Variants in SLTM observed in about 807,000 individuals in gnomAD.
SLTM encodes the protein SAFB-like transcription modulator.
SLTM carries 43 observed loss-of-function variants against 134.6 expected under a neutral mutation model. The observed-to-expected ratio is 0.32, with a 90% CI of 0.25 to 0.41. The LOEUF is 0.41. Ranked by LOEUF, SLTM falls within the 10% of genes least tolerant of loss-of-function variation. The probability of loss-of-function intolerance (pLI) is 1.00; values close to 1 mark genes in which losing one functional copy is unlikely to be tolerated. For missense variants in SLTM, 1,055 were observed against 1,288.8 expected (o/e 0.82, Z 2.78); for synonymous variants, 424 against 432.3 (o/e 0.98, Z 0.24).
At chr15:58,906,576 T>G (rs1427309148) in intron 5 of SLTM, among the ~76,000 whole-genome samples, 6 of 152,232 alleles carry the variant, frequency 3.9e-5, no homozygotes, top group African/African-American at 1.4e-4. Flanking sequence ...TCTTATGATA[T>G]CTGTACATGT....
chr15:58,916,874 T>C (rs995093829), intron 3 of SLTM, 61 bp downstream of exon 3: 59 of 1,486,026 alleles, frequency 4.0e-5, no homozygotes, highest in Non-Finnish European at 5.1e-5. Context: ...AAGCACAAAA[T>C]TCATGATGCA....
At chr15:58,919,493 G>A (rs1301577390) in intron 2 of SLTM, among the ~76,000 whole-genome samples, 3 of 152,028 alleles carry the variant, frequency 2.0e-5, no homozygotes, top group Admixed American at 6.6e-5. Flanking sequence ...CCAGCTATTC[G>A]GGAGGCTGAG....
chr15:58,900,670 C>A (rs2035417726), intron 6 of SLTM: 1 of 152,922 alleles, frequency 6.5e-6, no homozygotes, highest in Non-Finnish European at 1.5e-5. Flanking sequence ...TGCTCCATGT[C>A]CTTTCTAGTC....
At chr15:58,927,492 A>C (rs2037561397) in intron 2 of SLTM, among the ~76,000 whole-genome samples, 1 of 152,178 alleles carries the variant, frequency 6.6e-6, no homozygotes, top group Non-Finnish European at 1.5e-5. Context: ...TCTGGTCTCA[A>C]ACTCCTGACA....
chr15:58,881,186 T>G (rs1227039798), intron 20 of SLTM, among the ~76,000 whole-genome samples: 1 of 151,578 alleles, frequency 6.6e-6, no homozygotes, highest in African/African-American at 2.4e-5. Context: ...ACAGCGAGAC[T>G]CCATCTCAAA....
chr15:58,909,645 TAGA>T (rs2036117476), intron 5 of SLTM, among the ~76,000 whole-genome samples: 1 of 152,318 alleles, frequency 6.6e-6, no homozygotes, highest in African/African-American at 2.4e-5. Flanking sequence ...TGCATCCAAA[TAGA>T]AGAATACAGT....
intron 2 of SLTM, among the ~76,000 whole-genome samples, chr15:58,926,730 T>C (rs1595947708): frequency 1.3e-5 from 2 of 151,998 alleles, no homozygotes; most frequent in Non-Finnish European, 2.9e-5. Flanking sequence ...TTCTCCTGCC[T>C]GAGCCTCCAG....
intron 2 of SLTM, among the ~76,000 whole-genome samples, chr15:58,918,333 T>A (rs2036789794): frequency 6.6e-6 from 1 of 152,174 alleles, no homozygotes; most frequent in South Asian, 2.1e-4. Context: ...ACAGTGCTAC[T>A]ACCTAGTTCA....
chr15:58,917,133 C>G lies in SLTM; in HGVS notation c.251-134G>C. The stretch of plus-strand genomic sequence containing the variant: ...AAAGCTAATGTCAACTGCTTCTAAA[C>G]CACCTGCTCAGAGCTGTCCCAAACA... On this transcript the variant is annotated intron_variant, in intron 2 of 20. Coordinates refer to ENST00000380516, the MANE Select transcript of SLTM (RefSeq NM_024755.4). 7.8e-6 allele frequency: 6 copies of G among 770,362 alleles called. No homozygotes were observed. In the South Asian group the frequency reaches 9.8e-5, roughly 13 times the overall value. 47.7% of individuals were successfully genotyped at this position (770,362 alleles called of 1,614,324 possible). A position where few individuals can be genotyped will look rare whatever the true frequency, so the allele number is the denominator to read the frequency against.
At chr15:58,906,135 A>G (rs908496392) in intron 5 of SLTM, among the ~76,000 whole-genome samples, 11 of 152,266 alleles carry the variant, frequency 7.2e-5, no homozygotes, top group African/African-American at 2.7e-4. Flanking sequence ...CAAACCAAGA[A>G]ATACAATGGG....
chr15:58,920,882 G>C (rs2036995266), intron 2 of SLTM, among the ~76,000 whole-genome samples: 1 of 152,088 alleles, frequency 6.6e-6, no homozygotes, highest in Non-Finnish European at 1.5e-5. Context: ...TTGAACCCGG[G>C]AGGTGAAGGT....
chr15:58,895,941 A>G (rs2035045752), intron 9 of SLTM, among the ~76,000 whole-genome samples: 1 of 152,222 alleles, frequency 6.6e-6, no homozygotes, highest in South Asian at 2.1e-4. Flanking sequence ...AGTAATTTCA[A>G]TATCTGAAAG....
At chr15:58,911,005 A>C (rs2036232684) in intron 5 of SLTM, among the ~76,000 whole-genome samples, 1 of 151,942 alleles carries the variant, frequency 6.6e-6, no homozygotes, top group South Asian at 2.1e-4. Context: ...CGGCCTCCCA[A>C]AGTGCTGGGA....
rs772257831 is a variant in SLTM at position 58,887,538 on chromosome 15, C to T, written c.2378G>A (p.Arg793Gln). The T allele has an allele frequency of 8.1e-6, 13 of 1,605,004 alleles. No homozygotes were observed. Among genetic ancestry groups the T allele is most frequent in the East Asian group, 2.2e-5 (1 of 44,836 alleles). The change falls in exon 18 of 21, where the codon CGG becomes CAG. Residue 793 changes from arginine (R) to glutamine (Q), a missense_variant and splice_region_variant. Transcript: ENST00000380516. ...SAVQSSSFERRDRFVGQSEGK... is the reference protein window; with the variant it reads ...SAVQSSSFERQDRFVGQSEGK... ...CTCACTTTGACCAACAAAGCGATCC[C>T]GCCTATTGATTAGAAACAAAGAATA...
chr15:58,912,790 A>T (rs2036375075), intron 4 of SLTM, 180 bp from the exon 5 acceptor site: 3 of 534,902 alleles, frequency 5.6e-6, no homozygotes, highest in Non-Finnish European at 1.0e-5. Context: ...AAAATTAGCC[A>T]TGTCGCTAGA....
At chr15:58,895,003 C>G (rs1217647417) in intron 9 of SLTM, among the ~76,000 whole-genome samples, 4 of 152,174 alleles carry the variant, frequency 2.6e-5, no homozygotes, top group Non-Finnish European at 5.9e-5. Context: ...CTGCAGCCAG[C>G]CTATTTCATA....
At chr15:58,915,191 AAAAAACAAAAACAAAAAC>A (rs140925385) in intron 3 of SLTM, among the ~76,000 whole-genome samples, 21 of 150,106 alleles carry the variant, frequency 1.4e-4, no homozygotes, top group Non-Finnish European at 1.6e-4. Context: ...ACTCCATCTC[AAAAAACAAAAACAAAAAC>A]AAAAACAAAA....
chr15:58,883,580 TAA>T (rs2033917986), intron 20 of SLTM, 44 bp downstream of exon 20: 1 of 1,608,308 alleles, frequency 6.2e-7, no homozygotes, highest in Admixed American at 1.7e-5. Context: ...ATGGAAAGGA[TAA>T]AGTGTTGGTT....
chr15:58,890,490 T>TA (rs751358111), intron 14 of SLTM, 29 bp from the exon 15 acceptor site: 69 of 1,603,464 alleles, frequency 4.3e-5, no homozygotes, highest in Middle Eastern at 1.7e-4. Context: ...TAGAAATACT[T>TA]AAATTATGCT....
Sources: allele counts gnomAD v4.1 joint callset (sites outside exome capture counted in the v4.1 genomes callset), GRCh38; gene constraint gnomAD v4.1.1; transcripts MANE v1.5; gene names NCBI Gene and HGNC (gene_info 2026-07-23, HGNC 2026-07-21).